YWHAE: variants seen among roughly 807,000 people sequenced by gnomAD.
The protein encoded by YWHAE is tyrosine 3-monooxygenase/tryptophan 5-monooxygenase activation protein epsilon.
Under a neutral mutation model 30.1 loss-of-function variants are expected in YWHAE, and 4 were observed. That is an observed-to-expected ratio of 0.13 (90% CI 0.07 to 0.30). The LOEUF (loss-of-function observed/expected upper bound fraction) is 0.30, where lower values mean the gene tolerates loss of function less well. YWHAE is among the 10% of genes least tolerant of loss of function. YWHAE has a pLI of 1.00. For missense variants in YWHAE, 121 were observed against 315.9 expected (o/e 0.38, Z 4.68); for synonymous variants, 118 against 111.8 (o/e 1.06, Z -0.35).
At chr17:1,366,766 A>C (rs2072951212) in intron 1 of YWHAE, among the ~76,000 whole-genome samples, 1 of 151,946 alleles carries the variant, frequency 6.6e-6, no homozygotes, top group Admixed American at 6.6e-5. Context: ...AACATGGTGA[A>C]ACCCGTCTCT....
chr17:1,355,102 C>T (rs2072711260), intron 4 of YWHAE, among the ~76,000 whole-genome samples: 1 of 86,510 alleles, frequency 1.2e-5, no homozygotes, highest in Admixed American at 1.6e-4. Context: ...CACACTACCA[C>T]CCCCAAGATT....
intron 1 of YWHAE, among the ~76,000 whole-genome samples, chr17:1,366,024 T>C (rs534153715): frequency 1.3e-5 from 2 of 152,124 alleles, no homozygotes; most frequent in South Asian, 4.1e-4. Flanking sequence ...AAGACTATCC[T>C]GGCCAACATG....
At chr17:1,357,841 C>T (rs796886150) in intron 4 of YWHAE, among the ~76,000 whole-genome samples, 2 of 150,786 alleles carry the variant, frequency 1.3e-5, no homozygotes, top group South Asian at 2.1e-4. Context: ...GCAGGAGAAT[C>T]GCTTGAAACC....
At chr17:1,368,384 G>A (rs571691428) in intron 1 of YWHAE, among the ~76,000 whole-genome samples, 1 of 150,372 alleles carries the variant, frequency 6.7e-6, no homozygotes, top group Non-Finnish European at 1.5e-5. Flanking sequence ...CTCAAAAAAA[G>A]GAAAAAAAAA....
chr17:1,384,462 C>T lies in YWHAE; in HGVS notation c.64+15585G>A, dbSNP rs1012056749. On this transcript the variant is annotated intron_variant, in intron 1 of 5. Coordinates refer to ENST00000264335, the MANE Select transcript of YWHAE (RefSeq NM_006761.5). Reference sequence around the variant, plus strand: ...ATCCCAGCACTTTGGGAGGCCAAGGCGGGCAGATCACAACGTCAGGAGATC... The same window carrying T: ...ATCCCAGCACTTTGGGAGGCCAAGGTGGGCAGATCACAACGTCAGGAGATC... Among the ~76,000 whole-genome samples, 37 of 150,978 alleles carry T rather than the reference C, an allele frequency of 2.5e-4. No individual in the cohort carries two copies. In the East Asian group the frequency reaches 4.0e-3, roughly 16 times the overall value.
At chr17:1,394,369 T>G (rs537293230) in intron 1 of YWHAE, among the ~76,000 whole-genome samples, 1 of 145,400 alleles carries the variant, frequency 6.9e-6, no homozygotes, top group East Asian at 2.0e-4. Flanking sequence ...TCCCAGCACT[T>G]TGGGAGGCCA....
intron 1 of YWHAE, among the ~76,000 whole-genome samples, chr17:1,369,427 G>A (rs1355057354): frequency 2.0e-5 from 3 of 152,298 alleles, no homozygotes; most frequent in Non-Finnish European, 2.9e-5. Context: ...CCGGGAGGCG[G>A]AGGTTGCAGT....
At chr17:1,389,986 A>G (rs1006361563) in intron 1 of YWHAE, among the ~76,000 whole-genome samples, 3 of 151,968 alleles carry the variant, frequency 2.0e-5, no homozygotes, top group Non-Finnish European at 4.4e-5. Flanking sequence ...TGGGATTACA[A>G]GCGCCTGCCA....
chr17:1,364,789 A>C lies in YWHAE; in HGVS notation c.264+70T>G, dbSNP rs1472279006. On this transcript the variant is annotated intron_variant, in intron 2 of 5. Transcript: ENST00000264335. ...GAATGTAGTCTCCTTTTCTCTCAAA[A>C]TCTTAAGTGTACCGTCCTACAGGTA... 2.0e-5 allele frequency: 31 copies of C among 1,553,472 alleles called. No homozygotes were observed. In the East Asian group the frequency reaches 7.0e-4, roughly 35 times the overall value.
At chr17:1,353,251 A>C (rs2072666921) in intron 5 of YWHAE, among the ~76,000 whole-genome samples, 1 of 151,532 alleles carries the variant, frequency 6.6e-6, no homozygotes, top group Non-Finnish European at 1.5e-5. Flanking sequence ...AACCTGGCTA[A>C]CACAGTGAAA....
Position 1,388,107 on chromosome 17 carries a change from T to G in YWHAE, c.64+11940A>C, listed in dbSNP as rs552616458. Reference sequence around the variant, plus strand: ...CCACGCCTGGGTAATTTTTGTTTTTTTTTTTGGTTGGTTTTTTTTTTTTTT... The same window carrying G: ...CCACGCCTGGGTAATTTTTGTTTTTGTTTTTGGTTGGTTTTTTTTTTTTTT... On this transcript the variant is annotated intron_variant, in intron 1 of 5. Transcript: ENST00000264335. 8.8e-4 allele frequency among the ~76,000 whole-genome samples: 41 copies of G among 46,514 alleles called. 1 individual carries two copies. Among genetic ancestry groups the G allele is most frequent in the African/African-American group, 4.7e-3 (36 of 7,692 alleles). The allele number at this position is 46,514 out of a possible 152,430, so 30.5% of individuals were successfully genotyped here.
chr17:1,350,346 A>C (rs970264818), intron 5 of YWHAE, among the ~76,000 whole-genome samples: 1 of 152,236 alleles, frequency 6.6e-6, no homozygotes, highest in African/African-American at 2.4e-5. Context: ...ACTGACAGGT[A>C]GTCTACTTTG....
chr17:1,351,743 G>A (rs942859480), intron 5 of YWHAE, among the ~76,000 whole-genome samples: 1 of 152,056 alleles, frequency 6.6e-6, no homozygotes, highest in African/African-American at 2.4e-5. Context: ...AGCCGTCTGA[G>A]AAGCATGCGT....
Position 1,383,218 on chromosome 17 carries a change from C to T in YWHAE, c.64+16829G>A, listed in dbSNP as rs540192504. On this transcript the variant is annotated intron_variant, in intron 1 of 5. Coordinates refer to ENST00000264335, the MANE Select transcript of YWHAE (RefSeq NM_006761.5). ...ATACAAAATTAGACAGGCATGGTGGCGCATGCCTGTAATCCCAGCTACTCT... is the reference window on the plus strand; with the variant it reads ...ATACAAAATTAGACAGGCATGGTGGTGCATGCCTGTAATCCCAGCTACTCT... Among the ~76,000 whole-genome samples, 15 of 151,446 alleles carry T rather than the reference C, an allele frequency of 9.9e-5. No homozygotes were observed. In the South Asian group the frequency reaches 3.0e-3, roughly 30 times the overall value.
rs964682650 is a variant in YWHAE at position 1,359,976 on chromosome 17, G to A, written c.578+1116C>T. 3.4e-5 allele frequency among the ~76,000 whole-genome samples: 5 copies of A among 145,538 alleles called. No homozygotes were observed. The East Asian group carries it at 1.0e-3, about 30-fold the overall frequency. On this transcript the variant is annotated intron_variant, in intron 4 of 5. Coordinates refer to ENST00000264335, the MANE Select transcript of YWHAE (RefSeq NM_006761.5). ...AGAGAGGGGGAGAGAGAGAGAGAGA[G>A]ATTTGAAAAAAAGTCTCACTGTGTC...
At chr17:1,351,776 TG>T (rs762400865) in intron 5 of YWHAE, among the ~76,000 whole-genome samples, 41 of 152,090 alleles carry the variant, frequency 2.7e-4, no homozygotes, top group Non-Finnish European at 4.0e-4. Flanking sequence ...CTGTTGTTTT[TG>T]TTTTTTGTTT....
At chr17:1,365,969 A>G (rs1001725800) in intron 1 of YWHAE, among the ~76,000 whole-genome samples, 6 of 105,962 alleles carry the variant, frequency 5.7e-5, no homozygotes, top group Non-Finnish European at 9.0e-5. Context: ...TGTAAATCCC[A>G]GCACTTTGGC....
At chr17:1,357,400 C>T (rs1234900384) in intron 4 of YWHAE, among the ~76,000 whole-genome samples, 5 of 74,648 alleles carry the variant, frequency 6.7e-5, no homozygotes, top group African/African-American at 3.9e-4. Context: ...GAGACTCCGT[C>T]TCAAAAAAAA....
At chr17:1,354,449 A>T in intron 4 of YWHAE, 102 bp from the exon 5 acceptor site, 4 of 1,165,658 alleles carry the variant, frequency 3.4e-6, no homozygotes, top group Non-Finnish European at 4.8e-6. Context: ...TCCAGTTTGT[A>T]ATAGTCACAA....
Sources: gnomAD v4.1 joint callset for allele counts (sites outside exome capture counted in the v4.1 genomes callset) on GRCh38, gnomAD v4.1.1 for gene constraint, MANE v1.5 for transcripts, NCBI Gene and HGNC (gene_info 2026-07-23, HGNC 2026-07-21) for gene names.